The following ZNF385D variants were observed in gnomAD, a reference collection of about 807,000 sequenced individuals.
The protein encoded by ZNF385D is zinc finger protein 385D.
A neutral mutation model predicts 35.8 loss-of-function variants in ZNF385D; 15 were observed. The observed-to-expected ratio is 0.42, with a 90% CI of 0.28 to 0.64. The LOEUF (loss-of-function observed/expected upper bound fraction) is 0.64. Ranked by LOEUF, ZNF385D falls within the 30% of genes least tolerant of loss-of-function variation. The pLI is 0.23. For missense variants in ZNF385D, 474 were observed against 494.6 expected (o/e 0.96, Z 0.39); for synonymous variants, 212 against 186.8 (o/e 1.13, Z -1.10).
At chr3:21,752,007 A>ACCCCCCCCCC (rs71044940), upstream of ZNF385D, among the ~76,000 whole-genome samples, 11 of 88,622 alleles carry the variant, frequency 1.2e-4, no homozygotes, top group East Asian at 4.2e-4. Context: ...ACACACACCC[A>ACCCCCCCCCC]CCCCCCTCCC....
intron 2 of ZNF385D, among the ~76,000 whole-genome samples, chr3:21,662,959 G>A (rs543405122): frequency 5.0e-4 from 76 of 152,250 alleles, no homozygotes; most frequent in South Asian, 3.7e-3. Flanking sequence ...CTTATGAGGC[G>A]TATTATATTA....
intron 2 of ZNF385D, among the ~76,000 whole-genome samples, chr3:21,616,259 A>G (rs1559462509): frequency 6.6e-6 from 1 of 152,218 alleles, no homozygotes; most frequent in Admixed American, 6.5e-5. Flanking sequence ...CGATTTGAGA[A>G]TCCGGGGTGA....
At chr3:22,155,401 T>C (rs1303658394) in intron 3 of ZNF385D, among the ~76,000 whole-genome samples, 2 of 152,052 alleles carry the variant, frequency 1.3e-5, no homozygotes, top group Non-Finnish European at 2.9e-5. Context: ...TTTCTGGAAC[T>C]AAAGAGATTT....
intron 2 of ZNF385D, among the ~76,000 whole-genome samples, chr3:22,280,179 T>C (rs546370074): frequency 3.3e-4 from 50 of 152,252 alleles, no homozygotes; most frequent in African/African-American, 1.1e-3. Flanking sequence ...TATTAGTCCT[T>C]TGTCAGATGT....
intron 3 of ZNF385D, among the ~76,000 whole-genome samples, chr3:22,027,848 T>A (rs756453785): frequency 6.6e-5 from 10 of 152,072 alleles, no homozygotes; most frequent in Non-Finnish European, 1.0e-4. Flanking sequence ...CTATGATCAG[T>A]TGACAGAGGA....
At chr3:21,600,007 C>T (rs933804173) in intron 2 of ZNF385D, among the ~76,000 whole-genome samples, 4 of 152,160 alleles carry the variant, frequency 2.6e-5, no homozygotes, top group African/African-American at 7.2e-5. Flanking sequence ...CCGGCTAAAA[C>T]GAAAACCAAG....
chr3:22,141,567 C>T (rs992279376), intron 3 of ZNF385D, among the ~76,000 whole-genome samples: 2 of 152,216 alleles, frequency 1.3e-5, no homozygotes, highest in African/African-American at 4.8e-5. Context: ...TGGACTTCAG[C>T]CTTAAGGGTC....
chr3:21,759,092 T>A (rs868155992), intron 3 of ZNF385D, among the ~76,000 whole-genome samples: 1 of 150,488 alleles, frequency 6.6e-6, no homozygotes, highest in Non-Finnish European at 1.5e-5. Flanking sequence ...AGTATCTCAG[T>A]TGAGGAAATG....
At chr3:21,655,300 A>G (rs1302502986) in intron 2 of ZNF385D, among the ~76,000 whole-genome samples, 1 of 152,042 alleles carries the variant, frequency 6.6e-6, no homozygotes, top group Non-Finnish European at 1.5e-5. Context: ...TTTTTGCCTT[A>G]GGCTGTAAAG....
chr3:21,837,926 A>G (rs9810237), intron 3 of ZNF385D, among the ~76,000 whole-genome samples: 42,440 of 150,972 alleles, frequency 0.28, 6,155 homozygotes, highest in Admixed American at 0.31. Context: ...GTAAAATAAT[A>G]TTGCAAATGA....
intron 3 of ZNF385D, among the ~76,000 whole-genome samples, chr3:21,990,281 CATG>C (rs1344639100): frequency 6.6e-6 from 1 of 152,196 alleles, no homozygotes; most frequent in Non-Finnish European, 1.5e-5. Flanking sequence ...TTCTTCTTCT[CATG>C]ATGACATCTA....
chr3:22,264,879 G>A (rs1333039591), intron 2 of ZNF385D, among the ~76,000 whole-genome samples: 2 of 151,798 alleles, frequency 1.3e-5, no homozygotes, highest in African/African-American at 4.8e-5. Context: ...ATAAGACAAA[G>A]GATTTAAATA....
At chr3:21,978,390 C>A (rs2291817) in intron 3 of ZNF385D, 1 of 152,060 alleles carries the variant, frequency 6.6e-6, no homozygotes, top group South Asian at 2.1e-4. Flanking sequence ...AGATATGCTA[C>A]GTGTTTTGCC....
chr3:22,200,157 A>C (rs2125241136), intron 2 of ZNF385D, among the ~76,000 whole-genome samples: 1 of 152,206 alleles, frequency 6.6e-6, no homozygotes, highest in African/African-American at 2.4e-5. Flanking sequence ...ACATATCATA[A>C]ATTTGATTAG....
rs1367767524 is a variant in ZNF385D at position 22,032,540 on chromosome 3, G to A, written c.325+136277C>T. On this transcript the variant is annotated intron_variant, in intron 3 of 5. Coordinates refer to the ZNF385D transcript ENST00000494108. ...CAATTTGAGATGAGATTTGGGTAGGGACACAGGGCCAAACCATATCACTCC... is the reference window on the plus strand; with the variant it reads ...CAATTTGAGATGAGATTTGGGTAGGAACACAGGGCCAAACCATATCACTCC... Among the ~76,000 whole-genome samples, 4 of 152,236 alleles carry A rather than the reference G, an allele frequency of 2.6e-5. No homozygotes were observed. In the South Asian group the frequency reaches 8.3e-4, roughly 32 times the overall value.
intron 3 of ZNF385D, chr3:21,511,821 GCA>G: frequency 2.2e-6 from 1 of 444,736 alleles, no homozygotes; most frequent in African/African-American, 2.2e-5. Context: ...TTTCCTAAGA[GCA>G]TTTTTTTTTT....
Position 22,239,732 on chromosome 3 carries a change from T to C in ZNF385D, c.107-70697A>G, listed in dbSNP as rs556584150. Among the ~76,000 whole-genome samples the C allele has an allele frequency of 1.7e-4, 25 of 151,160 alleles. 4 individuals carry two copies. The highest frequency in any genetic ancestry group is 1.1e-3 in the South Asian group (5 of 4,616). ...TCTAGATTAAGTGCAAATTCAAGTATGAATTAATTTATTGAAAAGAAATTT... is the reference window on the plus strand; with the variant it reads ...TCTAGATTAAGTGCAAATTCAAGTACGAATTAATTTATTGAAAAGAAATTT... On this transcript the variant is annotated intron_variant, in intron 2 of 5. Transcript: ENST00000494108.
intron 3 of ZNF385D, among the ~76,000 whole-genome samples, chr3:22,088,395 C>T (rs1286774616): frequency 6.6e-6 from 1 of 152,176 alleles, no homozygotes; most frequent in African/African-American, 2.4e-5. Context: ...GTCTGGTGAG[C>T]CACTTGTTTT....
chr3:21,951,129 C>A (rs1193952101), intron 3 of ZNF385D, among the ~76,000 whole-genome samples: 1 of 151,664 alleles, frequency 6.6e-6, no homozygotes, highest in South Asian at 2.1e-4. Flanking sequence ...CTATAAATTA[C>A]TTTGGGCAGT....
Sources: gnomAD v4.1 joint callset for allele counts (sites outside exome capture counted in the v4.1 genomes callset) on GRCh38, gnomAD v4.1.1 for gene constraint, MANE v1.5 for transcripts, NCBI Gene and HGNC (gene_info 2026-07-23, HGNC 2026-07-21) for gene names.